Variants in SLC26A7 observed in about 807,000 individuals in gnomAD.
SLC26A7 encodes the protein solute carrier family 26 member 7, also known as anion exchange transporter.
SLC26A7 carries 59 observed loss-of-function variants against 82.5 expected under a neutral mutation model. The ratio of observed to expected loss-of-function variants is 0.72; its 90% CI spans 0.58 to 0.89. The LOEUF is 0.89. Among genes scored for constraint, SLC26A7 ranks in the 40% least tolerant of loss-of-function variants. SLC26A7 has a pLI of 0.00. For synonymous variants in SLC26A7, 271 were observed against 274.3 expected, an observed-to-expected ratio of 0.99 and a Z score of 0.12; for missense variants, 820 against 793.0, an observed-to-expected ratio of 1.03 and a Z score of -0.41.
At chr8:91,226,850 G>A (rs1021994907) in intron 2 of SLC26A7, among the ~76,000 whole-genome samples, 4 of 152,218 alleles carry the variant, frequency 2.6e-5, no homozygotes, top group African/African-American at 9.6e-5. Context: ...GGATATAATG[G>A]ATAGGAACCA....
At chr8:91,394,658 G>C (rs1808515503) in intron 18 of SLC26A7, 1 of 1,117,840 alleles carries the variant, frequency 8.9e-7, no homozygotes, top group South Asian at 3.1e-5. Context: ...TATACAATCA[G>C]AACAGTATGT....
rs58981485 is a variant in SLC26A7, at chr8:91,316,451, A to ATT, written c.478-1727_478-1726dup. Among the ~76,000 whole-genome samples the ATT allele has an allele frequency of 3.5e-3, 119 of 34,418 alleles. 22 individuals carry two copies. The highest frequency in any genetic ancestry group is 3.9e-3 in the African/African-American group (35 of 8,978). The allele number at this position is 34,418 out of a possible 152,430, so 22.6% of individuals were successfully genotyped here. On this transcript the variant is annotated intron_variant, in intron 4 of 18. Coordinates refer to ENST00000276609, the MANE Select transcript of SLC26A7 (RefSeq NM_052832.4). ...GAACTCGCTGCCACACTCAACACTAATTTTTTTTTTTTTTTTTTTTTTTTT... is the reference window on the plus strand; with the variant it reads ...GAACTCGCTGCCACACTCAACACTAATTTTTTTTTTTTTTTTTTTTTTTTTTT...
intron 11 of SLC26A7, among the ~76,000 whole-genome samples, chr8:91,360,738 G>A (rs1251488663): frequency 1.3e-5 from 2 of 152,072 alleles, no homozygotes; most frequent in African/African-American, 2.4e-5. Context: ...ATTGAATCAC[G>A]GAGGATGGCC....
chr8:91,328,487 G>T (rs1303847743), intron 5 of SLC26A7, among the ~76,000 whole-genome samples: 1 of 152,020 alleles, frequency 6.6e-6, no homozygotes, highest in Non-Finnish European at 1.5e-5. Context: ...CCCCTAATAT[G>T]ATATAGTCCA....
chr8:91,249,825 A>G lies in SLC26A7; in HGVS notation c.174A>G (p.Ala58=), dbSNP rs1205559159. ...LPDTVSGIML[A]VQQVTQGLAF... Reference sequence around the variant, plus strand: ...ACACTGTGTCTGGGATAATGTTGGCAGTTCAACAGGTGACCCAAGGTAATG... The same window carrying G: ...ACACTGTGTCTGGGATAATGTTGGCGGTTCAACAGGTGACCCAAGGTAATG... The change falls in exon 2 of 19, where the codon GCA becomes GCG. Residue 58 remains alanine (A), a synonymous_variant. Coordinates refer to ENST00000276609, the MANE Select transcript of SLC26A7 (RefSeq NM_052832.4). 6 of 1,605,698 alleles carry G rather than the reference A, an allele frequency of 3.7e-6. No individual in the cohort carries two copies. The African/African-American group carries it at 6.7e-5, about 18-fold the overall frequency.
chr8:91,341,380 T>A lies in SLC26A7; in HGVS notation c.1026+829T>A, dbSNP rs112170538. The stretch of plus-strand genomic sequence containing the variant: ...TATGTGCCACATTTTCTTGATCCAG[T>A]CTATCACGATTGCATATGTCCTGTT... On this transcript the variant is annotated intron_variant, in intron 8 of 18. Transcript: ENST00000276609. 2.2e-3 allele frequency among the ~76,000 whole-genome samples: 337 copies of A among 152,228 alleles called. 1 individual carries two copies. Among genetic ancestry groups the A allele is most frequent in the African/African-American group, 7.9e-3 (327 of 41,548 alleles).
chr8:91,319,991 A>G (rs1812745674), intron 5 of SLC26A7, among the ~76,000 whole-genome samples: 1 of 151,936 alleles, frequency 6.6e-6, no homozygotes, highest in Non-Finnish European at 1.5e-5. Context: ...TTTGTTTTTC[A>G]TTTTGTATTT....
intron 5 of SLC26A7, among the ~76,000 whole-genome samples, chr8:91,323,636 A>T (rs1286968350): frequency 6.6e-6 from 1 of 152,148 alleles, no homozygotes; most frequent in Non-Finnish European, 1.5e-5. Flanking sequence ...CCTTGAAGTA[A>T]TAGCAAATGG....
At chr8:91,242,015 A>T (rs1437765947) in intron 2 of SLC26A7, among the ~76,000 whole-genome samples, 1 of 152,160 alleles carries the variant, frequency 6.6e-6, no homozygotes, top group African/African-American at 2.4e-5. Flanking sequence ...TATTTTTTAG[A>T]CTTATCCCTT....
At chr8:91,299,122 C>T (rs1430605135) in intron 4 of SLC26A7, among the ~76,000 whole-genome samples, 10 of 152,004 alleles carry the variant, frequency 6.6e-5, no homozygotes, top group African/African-American at 2.2e-4. Flanking sequence ...TGTGAATTGT[C>T]TATTTATATT....
intron 15 of SLC26A7, among the ~76,000 whole-genome samples, chr8:91,374,652 G>A (rs987363886): frequency 6.6e-6 from 1 of 151,984 alleles, no homozygotes; most frequent in Non-Finnish European, 1.5e-5. Flanking sequence ...GATCAAGCAT[G>A]TGGTCAATTT....
At chr8:91,293,076 A>T (rs1454978889) in intron 3 of SLC26A7, among the ~76,000 whole-genome samples, 1 of 152,232 alleles carries the variant, frequency 6.6e-6, no homozygotes, top group Non-Finnish European at 1.5e-5. Flanking sequence ...TTCTCTATCA[A>T]AATTTTGTAA....
At chr8:91,275,256 C>T (rs1207611775) in intron 2 of SLC26A7, among the ~76,000 whole-genome samples, 1 of 152,152 alleles carries the variant, frequency 6.6e-6, no homozygotes, top group African/African-American at 2.4e-5. Context: ...TTTTGGGTCT[C>T]TGGGCATGTA....
chr8:91,282,669 A>G (rs1811605548), intron 2 of SLC26A7, among the ~76,000 whole-genome samples: 1 of 152,160 alleles, frequency 6.6e-6, no homozygotes, highest in Non-Finnish European at 1.5e-5. Flanking sequence ...AGGGAAACAG[A>G]AGGTCTCGTA....
chr8:91,274,184 T>C (rs1299250109), intron 2 of SLC26A7, among the ~76,000 whole-genome samples: 1 of 152,214 alleles, frequency 6.6e-6, no homozygotes, highest in East Asian at 1.9e-4. Flanking sequence ...TAAATGCTAT[T>C]ATTGTAACCT....
chr8:91,332,624 C>T (rs2130828490), intron 5 of SLC26A7, among the ~76,000 whole-genome samples: 1 of 150,694 alleles, frequency 6.6e-6, no homozygotes, highest in South Asian at 2.1e-4. Context: ...AACTCCTGGG[C>T]TTAAGGGATT....
At chr8:91,292,538 G>A (rs1047053687) in intron 3 of SLC26A7, among the ~76,000 whole-genome samples, 2 of 152,030 alleles carry the variant, frequency 1.3e-5, no homozygotes, top group Non-Finnish European at 2.9e-5. Context: ...TTACTTTCAT[G>A]AAGAAAAATT....
chr8:91,258,969 C>G (rs1417079907), intron 2 of SLC26A7, among the ~76,000 whole-genome samples: 2 of 152,070 alleles, frequency 1.3e-5, no homozygotes, highest in African/African-American at 4.8e-5. Flanking sequence ...TGCTCGTTCG[C>G]TCTGTGTTGT....
At chr8:91,263,912 G>C (rs1249837478) in intron 2 of SLC26A7, among the ~76,000 whole-genome samples, 2 of 151,976 alleles carry the variant, frequency 1.3e-5, no homozygotes, top group African/African-American at 4.8e-5. Context: ...CAAAGGAGTT[G>C]TTCAATAAAT....
Sources: gnomAD v4.1 joint callset for allele counts (sites outside exome capture counted in the v4.1 genomes callset) on GRCh38, gnomAD v4.1.1 for gene constraint, MANE v1.5 for transcripts, NCBI Gene and HGNC (gene_info 2026-07-23, HGNC 2026-07-21) for gene names.